The following KCTD10 variants were observed in gnomAD, a reference collection of about 807,000 sequenced individuals.
KCTD10 encodes the protein potassium channel tetramerization domain containing 10, also known as BTB/POZ domain-containing adapter for CUL3-mediated RhoA degradation protein 3.
A neutral mutation model predicts 34.6 loss-of-function variants in KCTD10; 13 were observed. That is an observed-to-expected ratio of 0.38 (90% CI 0.24 to 0.60). KCTD10 has a LOEUF of 0.60. Ranked by LOEUF, KCTD10 falls within the 20% of genes least tolerant of loss-of-function variation. The pLI is 0.66. For missense variants in KCTD10, 256 were observed against 420.3 expected, an observed-to-expected ratio of 0.61 and a Z score of 3.42; for synonymous variants, 156 against 168.8, an observed-to-expected ratio of 0.92 and a Z score of 0.59.
intron 1 of KCTD10, among the ~76,000 whole-genome samples, chr12:109,472,262 A>G (rs1293480522): frequency 6.6e-6 from 1 of 152,124 alleles, no homozygotes; most frequent in Non-Finnish European, 1.5e-5. Context: ...CTTTCTTTAT[A>G]TCCTTATTCT....
intron 2 of KCTD10, among the ~76,000 whole-genome samples, chr12:109,466,736 C>T (rs369655321): frequency 1.3e-5 from 2 of 152,372 alleles, no homozygotes; most frequent in South Asian, 2.1e-4. Context: ...GACACATCCC[C>T]TGTTCAGGAC....
intron 1 of KCTD10, chr12:109,470,896 A>G: frequency 5.9e-6 from 1 of 169,318 alleles, no homozygotes; most frequent in Non-Finnish European, 1.2e-5. Flanking sequence ...CCAATCACAG[A>G]ATTAGCCCTG....
At chr12:109,469,458 G>A (rs1873764877) in intron 2 of KCTD10, 57 bp downstream of exon 2, 3 of 1,575,704 alleles carry the variant, frequency 1.9e-6, no homozygotes, top group South Asian at 2.3e-5. Context: ...CTTCAGGGAA[G>A]CCCTCCTTGA....
chr12:109,453,911 G>C (rs530193000), intron 6 of KCTD10, among the ~76,000 whole-genome samples: 206 of 152,322 alleles, frequency 1.4e-3, no homozygotes, highest in African/African-American at 4.8e-3. Flanking sequence ...GCCCAGGACA[G>C]ACGGGCCACA....
At chr12:109,477,178 C>T in intron 1 of KCTD10, 82 bp downstream of exon 1, 1 of 1,569,498 alleles carries the variant, frequency 6.4e-7, no homozygotes, top group Non-Finnish European at 8.7e-7. Context: ...ACCCCCTCCT[C>T]TCGGTCCCTT....
chr12:109,473,338 C>G (rs867459735), intron 1 of KCTD10, among the ~76,000 whole-genome samples: 8 of 152,258 alleles, frequency 5.3e-5, no homozygotes, highest in Middle Eastern at 6.8e-3. Context: ...GCATAAGGCC[C>G]CAGCCCTACC....
In KCTD10 at chr12:109,451,967, C is replaced by T. The variant is rs1872795912; in HGVS notation, c.724-154G>A. The stretch of plus-strand genomic sequence containing the variant: ...TTAAATAAACTGATATTTTCAATGG[C>T]AACACTTACATGTGGTGCTAAATGC... On this transcript the variant is annotated intron_variant, in intron 6 of 6. Transcript: ENST00000228495. The surrounding 1 kb of genome is among the most constrained non-coding windows in gnomAD (Gnocchi z 5.0). Among the ~76,000 whole-genome samples the T allele has an allele frequency of 6.6e-6, 1 of 152,194 alleles. No homozygotes were observed. Among genetic ancestry groups the T allele is most frequent in the Admixed American group, 6.5e-5 (1 of 15,286 alleles).
intron 6 of KCTD10, among the ~76,000 whole-genome samples, chr12:109,452,565 TC>T (rs1189863129): frequency 1.3e-5 from 2 of 152,210 alleles, no homozygotes; most frequent in African/African-American, 4.8e-5. Flanking sequence ...GCAGGCACAC[TC>T]TACCCCGTCT....
intron 6 of KCTD10, among the ~76,000 whole-genome samples, chr12:109,452,097 G>T (rs1872803278): frequency 6.6e-6 from 1 of 152,168 alleles, no homozygotes; most frequent in South Asian, 2.1e-4. Context: ...TTCTGTGCAT[G>T]TAAATATGTG....
intron 1 of KCTD10, among the ~76,000 whole-genome samples, chr12:109,475,611 G>A (rs1382841536): frequency 1.3e-5 from 2 of 152,194 alleles, no homozygotes; most frequent in Admixed American, 6.5e-5. Context: ...TGGGGGATTC[G>A]GATGTGGGAC....
intron 1 of KCTD10, among the ~76,000 whole-genome samples, chr12:109,473,563 A>G (rs1334448613): frequency 6.6e-6 from 1 of 152,172 alleles, no homozygotes; most frequent in Non-Finnish European, 1.5e-5. Context: ...GAGACTACAG[A>G]TTAGGCAACA....
chr12:109,466,680 G>A (rs1456570609), intron 2 of KCTD10, among the ~76,000 whole-genome samples: 1 of 152,230 alleles, frequency 6.6e-6, no homozygotes, highest in Non-Finnish European at 1.5e-5. Flanking sequence ...CCCCATGCTG[G>A]ATGCCAGGTC....
chr12:109,474,169 C>T (rs1456894633), intron 1 of KCTD10, among the ~76,000 whole-genome samples: 24 of 152,130 alleles, frequency 1.6e-4, no homozygotes, highest in Admixed American at 1.6e-3. Context: ...TCTGCCTCGG[C>T]CTCCCAAAGT....
intron 1 of KCTD10, among the ~76,000 whole-genome samples, chr12:109,474,380 G>C (rs1781143820): frequency 6.6e-6 from 1 of 152,086 alleles, no homozygotes; most frequent in Non-Finnish European, 1.5e-5. Flanking sequence ...CCAGTTAAAT[G>C]GTCAGTCTCT....
intron 2 of KCTD10, among the ~76,000 whole-genome samples, chr12:109,468,442 A>G (rs1873698585): frequency 6.6e-6 from 1 of 152,174 alleles, no homozygotes; most frequent in African/African-American, 2.4e-5. Flanking sequence ...CAGAAACAGG[A>G]AGGCGGGGTC....
chr12:109,456,813 T>C (rs980853284), intron 5 of KCTD10: 1 of 163,826 alleles, frequency 6.1e-6, no homozygotes, highest in African/African-American at 2.4e-5. Context: ...CTGCATATAT[T>C]GCTGGTGGGA....
chr12:109,474,819 AG>A (rs1245498715), intron 1 of KCTD10, among the ~76,000 whole-genome samples: 1 of 152,192 alleles, frequency 6.6e-6, no homozygotes, highest in Non-Finnish European at 1.5e-5. Context: ...ACTGAAAAGG[AG>A]GCTCAGGCAA....
chr12:109,469,627 C>T lies in KCTD10; in HGVS notation c.105G>A (p.Lys35=). 1.2e-6 allele frequency: 2 copies of T among 1,614,200 alleles called. No homozygotes were observed. The highest frequency in any genetic ancestry group is 2.2e-5 in the South Asian group (2 of 91,084). ...AGTAGAGGGCTCCACCCACATTCAG[C>T]TTCACGTATTTGGAGCTGGGGCTCG... ...KGTSPSSKYV[K]LNVGGALYYT... The change falls in exon 2 of 7, where the codon AAG becomes AAA. Residue 35 remains lysine (K), a synonymous_variant. Coordinates refer to ENST00000228495, the MANE Select transcript of KCTD10 (RefSeq NM_031954.5).
At chr12:109,471,228 T>C in intron 1 of KCTD10, 1 of 985,438 alleles carries the variant, frequency 1.0e-6, no homozygotes, top group Non-Finnish European at 1.2e-6. Flanking sequence ...TAAATGGGAC[T>C]GGGAGTAAAG....
Sources: gnomAD v4.1 joint callset for allele counts (sites outside exome capture counted in the v4.1 genomes callset) on GRCh38, gnomAD v4.1.1 for gene constraint, Gnocchi (gnomAD v3.1) non-coding constraint, MANE v1.5 for transcripts, NCBI Gene and HGNC (gene_info 2026-07-23, HGNC 2026-07-21) for gene names.